Variants in MAP4K4 observed in about 807,000 individuals in gnomAD.
MAP4K4 encodes the protein mitogen-activated protein kinase kinase kinase kinase 4.
Under a neutral mutation model 189.6 loss-of-function variants are expected in MAP4K4, and 38 were observed. That is an observed-to-expected ratio of 0.20 (90% CI 0.15 to 0.26). The LOEUF is 0.26. Among genes scored for constraint, MAP4K4 ranks in the 10% least tolerant of loss-of-function variants. MAP4K4 has a pLI of 1.00. For synonymous variants in MAP4K4, 610 were observed against 624.3 expected, an observed-to-expected ratio of 0.98 and a Z score of 0.34; for missense variants, 1,054 against 1,726.9, an observed-to-expected ratio of 0.61 and a Z score of 6.91.
intron 2 of MAP4K4, among the ~76,000 whole-genome samples, chr2:101,761,809 G>A (rs1283979954): frequency 6.6e-6 from 1 of 151,986 alleles, no homozygotes. Flanking sequence ...CACCTGCCTC[G>A]GTCTCCCAAA....
At chr2:101,738,743 T>G (rs2061474438) in intron 2 of MAP4K4, among the ~76,000 whole-genome samples, 1 of 152,030 alleles carries the variant, frequency 6.6e-6, no homozygotes, top group African/African-American at 2.4e-5. Context: ...CTGCTTGCTT[T>G]CTGGGTTCCT....
chr2:101,872,456 G>T (rs1159746569), intron 24 of MAP4K4, among the ~76,000 whole-genome samples: 2 of 152,090 alleles, frequency 1.3e-5, no homozygotes, highest in African/African-American at 4.8e-5. Flanking sequence ...TTTGAACAGG[G>T]TTATACTCCA....
chr2:101,729,099 A>AGTGTGTGTGT (rs1446413696), intron 2 of MAP4K4, among the ~76,000 whole-genome samples: 359 of 56,722 alleles, frequency 6.3e-3, no homozygotes, highest in African/African-American at 0.016. Context: ...AGAGAGAGAG[A>AGTGTGTGTGT]GAGTGTGTGT....
intron 15 of MAP4K4, 141 bp from the exon 16 acceptor site, chr2:101,860,684 T>A: frequency 1.5e-6 from 1 of 674,160 alleles, no homozygotes; most frequent in Non-Finnish European, 2.5e-6. Flanking sequence ...TACCTTCTTT[T>A]TTCCAGCTAC....
At chr2:101,709,806 C>T (rs55920032) in intron 2 of MAP4K4, among the ~76,000 whole-genome samples, 37,482 of 151,804 alleles carry the variant, frequency 0.25, 5,489 homozygotes, top group Non-Finnish European at 0.31. Flanking sequence ...GTGTTTTGGG[C>T]GAATAAGTTT....
chr2:101,787,321 T>G (rs986831682), intron 2 of MAP4K4, among the ~76,000 whole-genome samples: 13 of 152,234 alleles, frequency 8.5e-5, no homozygotes, highest in Admixed American at 3.3e-4. Context: ...AATAGATGTC[T>G]ACCCCCAAAC....
intron 2 of MAP4K4, among the ~76,000 whole-genome samples, chr2:101,712,903 CT>C (rs34317575): frequency 0.14 from 18,853 of 130,192 alleles, 779 homozygotes; most frequent in South Asian, 0.26. Flanking sequence ...AAACCAAAAT[CT>C]TTTTTTTTTT....
intron 3 of MAP4K4, among the ~76,000 whole-genome samples, chr2:101,799,822 C>A (rs1209922611): frequency 6.6e-6 from 1 of 152,080 alleles, no homozygotes; most frequent in Non-Finnish European, 1.5e-5. Flanking sequence ...AGGCTGGTCT[C>A]AAACTCCTAG....
exon 5 of MAP4K4, chr2:101,825,372 C>T: frequency 6.2e-7 from 1 of 1,613,374 alleles, no homozygotes; most frequent in Non-Finnish European, 8.5e-7. Flanking sequence ...TGAAGAACAC[C>T]AAAGGGAACA....
At chr2:101,699,445 T>A (rs1417956339) in intron 2 of MAP4K4, among the ~76,000 whole-genome samples, 2 of 152,150 alleles carry the variant, frequency 1.3e-5, no homozygotes, top group East Asian at 1.9e-4. Flanking sequence ...GAATGTTAAA[T>A]TTTTCCTGTC....
At chr2:101,768,989 A>G (rs1575212477) in intron 2 of MAP4K4, among the ~76,000 whole-genome samples, 1 of 152,232 alleles carries the variant, frequency 6.6e-6, no homozygotes, top group South Asian at 2.1e-4. Flanking sequence ...AGCTAAAAGA[A>G]GAATCTGTGA....
chr2:101,884,382 C>T (rs1317399543), intron 28 of MAP4K4, among the ~76,000 whole-genome samples: 1 of 152,162 alleles, frequency 6.6e-6, no homozygotes, highest in Admixed American at 6.5e-5. Context: ...CCGGTTTTGT[C>T]AGACTGTTAT....
chr2:101,795,230 T>C (rs1350526073), intron 3 of MAP4K4, among the ~76,000 whole-genome samples: 1 of 152,232 alleles, frequency 6.6e-6, no homozygotes, highest in Non-Finnish European at 1.5e-5. Flanking sequence ...TGTGTGAATA[T>C]TCTGTTCATG....
At chr2:101,728,657 T>G (rs1049709464) in intron 2 of MAP4K4, among the ~76,000 whole-genome samples, 1 of 152,180 alleles carries the variant, frequency 6.6e-6, no homozygotes, top group African/African-American at 2.4e-5. Context: ...TAGCTGGGAC[T>G]ACAGGCGTGC....
chr2:101,713,049 A>G (rs1574028140), intron 2 of MAP4K4, among the ~76,000 whole-genome samples: 1 of 151,376 alleles, frequency 6.6e-6, no homozygotes, highest in Non-Finnish European at 1.5e-5. Context: ...AATTACAGGT[A>G]CCTGCCACCA....
At chr2:101,861,361 T>C (rs765027304) in intron 16 of MAP4K4, 15 of 170,612 alleles carry the variant, frequency 8.8e-5, no homozygotes, top group Non-Finnish European at 1.9e-4. Flanking sequence ...ATTTTAAAAG[T>C]AAGCGCTTTA....
intron 7 of MAP4K4, among the ~76,000 whole-genome samples, chr2:101,833,099 T>C (rs74436415): frequency 6.6e-6 from 1 of 152,114 alleles, no homozygotes; most frequent in Admixed American, 6.5e-5. Context: ...TGTACCCTGA[T>C]AGTATAGAAA....
intron 2 of MAP4K4, among the ~76,000 whole-genome samples, chr2:101,719,849 T>G (rs1441860525): frequency 1.3e-5 from 2 of 151,720 alleles, no homozygotes; most frequent in African/African-American, 2.4e-5. Flanking sequence ...CCGTCTCTAC[T>G]AAAAATACAA....
chr2:101,741,461 C>T (rs376523741), intron 2 of MAP4K4, among the ~76,000 whole-genome samples: 3 of 152,228 alleles, frequency 2.0e-5, no homozygotes, highest in East Asian at 3.9e-4. Flanking sequence ...AACCACCGCA[C>T]CCGGCCAGTA....
Sources: allele counts gnomAD v4.1 joint callset (sites outside exome capture counted in the v4.1 genomes callset), GRCh38; gene constraint gnomAD v4.1.1; transcripts MANE v1.5; gene names NCBI Gene and HGNC (gene_info 2026-07-23, HGNC 2026-07-21).